The following TMEM163 variants were observed in gnomAD, a reference collection of about 807,000 sequenced individuals.
TMEM163 encodes the protein transmembrane protein 163.
In TMEM163, 17 loss-of-function variants were observed where a neutral mutation model predicts 29.3. The observed-to-expected ratio is 0.58, with a 90% confidence interval of 0.40 to 0.87. TMEM163 has a LOEUF of 0.87. Ranked by LOEUF, TMEM163 falls within the 40% of genes least tolerant of loss-of-function variation. TMEM163 has a pLI of 0.00. For missense variants in TMEM163, 303 were observed against 381.5 expected, an observed-to-expected ratio of 0.79 and a Z score of 1.71; for synonymous variants, 157 against 160.6, an observed-to-expected ratio of 0.98 and a Z score of 0.17.
intron 4 of TMEM163, among the ~76,000 whole-genome samples, chr2:134,534,349 C>T (rs1270079117): frequency 6.6e-6 from 1 of 152,144 alleles, no homozygotes; most frequent in African/African-American, 2.4e-5. Flanking sequence ...AACCACAAAC[C>T]AAACCACCAC....
intron 5 of TMEM163, among the ~76,000 whole-genome samples, chr2:134,478,757 T>C (rs1252485664): frequency 6.6e-6 from 1 of 152,098 alleles, no homozygotes; most frequent in Non-Finnish European, 1.5e-5. Flanking sequence ...CTAGAGAGAT[T>C]AGCAGGACTG....
chr2:134,517,233 T>C (rs908996469), intron 4 of TMEM163, among the ~76,000 whole-genome samples: 4 of 152,116 alleles, frequency 2.6e-5, no homozygotes, highest in Non-Finnish European at 4.4e-5. Context: ...CCCCATGGCA[T>C]GTGGGTAAGC....
intron 2 of TMEM163, among the ~76,000 whole-genome samples, chr2:134,564,811 A>C (rs1681260621): frequency 6.6e-6 from 1 of 152,222 alleles, no homozygotes; most frequent in Non-Finnish European, 1.5e-5. Flanking sequence ...CTACATACTC[A>C]AAGTGTGACT....
chr2:134,569,514 C>T (rs939944784), intron 2 of TMEM163, among the ~76,000 whole-genome samples: 2 of 152,156 alleles, frequency 1.3e-5, no homozygotes, highest in Non-Finnish European at 2.9e-5. Context: ...TGAATGAAGA[C>T]CCCCTAGCCA....
chr2:134,584,684 C>G (rs859766), intron 2 of TMEM163, among the ~76,000 whole-genome samples: 1 of 150,580 alleles, frequency 6.6e-6, no homozygotes, highest in Admixed American at 6.6e-5. Context: ...AGACTCGAGA[C>G]TCTTGCTAAA....
At chr2:134,510,963 G>A (rs749461) in intron 4 of TMEM163, among the ~76,000 whole-genome samples, 41,767 of 152,056 alleles carry the variant, frequency 0.27, 9,230 homozygotes, top group African/African-American at 0.59. Flanking sequence ...GAATGCATGC[G>A]GAGACTCGTG....
intron 2 of TMEM163, among the ~76,000 whole-genome samples, chr2:134,579,061 C>T (rs1464771586): frequency 6.6e-6 from 1 of 152,160 alleles, no homozygotes; most frequent in Non-Finnish European, 1.5e-5. Context: ...GGCTGGATGG[C>T]GTCAGGCCCT....
chr2:134,636,589 T>C (rs908682749), intron 2 of TMEM163, among the ~76,000 whole-genome samples: 4 of 152,180 alleles, frequency 2.6e-5, no homozygotes, highest in Non-Finnish European at 5.9e-5. Context: ...AGTTTAAAGT[T>C]TAAAACAAAG....
At chr2:134,565,483 G>A (rs939079141) in intron 2 of TMEM163, among the ~76,000 whole-genome samples, 1 of 151,952 alleles carries the variant, frequency 6.6e-6, no homozygotes, top group Non-Finnish European at 1.5e-5. Flanking sequence ...GCAGGAGCCT[G>A]TAATCCCAGC....
chr2:134,498,214 G>A (rs917692158), intron 5 of TMEM163, among the ~76,000 whole-genome samples: 5 of 152,038 alleles, frequency 3.3e-5, no homozygotes, highest in East Asian at 1.9e-4. Context: ...GGACAGATGC[G>A]GCCACGCCCA....
intron 2 of TMEM163, among the ~76,000 whole-genome samples, chr2:134,647,727 G>GCAC (rs996608524): frequency 6.6e-6 from 1 of 152,240 alleles, no homozygotes; most frequent in African/African-American, 2.4e-5. Flanking sequence ...AAACTGGAGT[G>GCAC]CACGGGTGCT....
intron 5 of TMEM163, among the ~76,000 whole-genome samples, chr2:134,499,318 G>A (rs968045698): frequency 6.6e-6 from 1 of 152,176 alleles, no homozygotes; most frequent in Non-Finnish European, 1.5e-5. Flanking sequence ...CAGCCTATTG[G>A]TAAAAGGAAA....
At chr2:134,515,038 C>G (rs956148489) in intron 4 of TMEM163, among the ~76,000 whole-genome samples, 9 of 152,180 alleles carry the variant, frequency 5.9e-5, no homozygotes, top group Admixed American at 3.9e-4. Flanking sequence ...GCAAAGCTGA[C>G]AGATAGAAGA....
At chr2:134,510,197 T>C (rs928806618) in intron 4 of TMEM163, among the ~76,000 whole-genome samples, 2 of 152,134 alleles carry the variant, frequency 1.3e-5, no homozygotes, top group Admixed American at 6.5e-5. Context: ...AAAAAGACCA[T>C]CGCTCCATGA....
intron 3 of TMEM163, among the ~76,000 whole-genome samples, chr2:134,551,438 C>T (rs1278559794): frequency 6.6e-6 from 1 of 152,134 alleles, no homozygotes; most frequent in African/African-American, 2.4e-5. Context: ...ACAGGAAACC[C>T]TAAAGCTACG....
intron 5 of TMEM163, among the ~76,000 whole-genome samples, chr2:134,478,900 C>T (rs1019861455): frequency 3.9e-5 from 6 of 152,158 alleles, no homozygotes; most frequent in Non-Finnish European, 8.8e-5. Context: ...GGATCCAGGC[C>T]CAGGGCTCTT....
intron 4 of TMEM163, among the ~76,000 whole-genome samples, chr2:134,543,669 G>A (rs996367232): frequency 6.6e-6 from 1 of 152,212 alleles, no homozygotes; most frequent in Non-Finnish European, 1.5e-5. Context: ...AAAGCAGCAA[G>A]GGTGCTGGTG....
At chr2:134,585,436 G>A (rs1039433658) in intron 2 of TMEM163, among the ~76,000 whole-genome samples, 1 of 152,144 alleles carries the variant, frequency 6.6e-6, no homozygotes, top group East Asian at 1.9e-4. Context: ...AATCAAATGA[G>A]TTAATACATT....
rs1396735306 is a variant in TMEM163, at chr2:134,460,928, C to T, written c.668-2755G>A. On this transcript the variant is annotated intron_variant, in intron 6 of 7. Coordinates refer to ENST00000281924, the MANE Select transcript of TMEM163 (RefSeq NM_030923.5). The surrounding 1 kb of genome is among the most constrained non-coding windows in gnomAD (Gnocchi z 4.3). ...GATGACAGAGCCTGACTCATTTCAG[C>T]TTCACTTCTTGAGAGTCTGCCTGAG... Among the ~76,000 whole-genome samples, 1 of 152,264 alleles carries T rather than the reference C, an allele frequency of 6.6e-6. No homozygotes were observed. The highest frequency in any genetic ancestry group is 1.9e-4 in the East Asian group (1 of 5,200).
Sources: gnomAD v4.1 joint callset for allele counts (sites outside exome capture counted in the v4.1 genomes callset) on GRCh38, gnomAD v4.1.1 for gene constraint, Gnocchi (gnomAD v3.1) non-coding constraint, MANE v1.5 for transcripts, NCBI Gene and HGNC (gene_info 2026-07-23, HGNC 2026-07-21) for gene names.